MRPS11: variants seen among roughly 807,000 people sequenced by gnomAD.
MRPS11 encodes small ribosomal subunit protein uS11m.
A neutral mutation model predicts 24.3 loss-of-function variants in MRPS11; 27 were observed. That is an observed-to-expected ratio of 1.11 (90% confidence interval 0.82 to 1.53). The LOEUF (loss-of-function observed/expected upper bound fraction) is 1.53, where lower values mean the gene tolerates loss of function less well. MRPS11 is among the 40% of genes most tolerant of loss of function. The probability of loss-of-function intolerance (pLI) is 0.00; values close to 1 mark genes in which losing one functional copy is unlikely to be tolerated. For synonymous variants in MRPS11, 104 were observed against 98.7 expected (o/e 1.05, Z -0.32); for missense variants, 277 against 256.5 (o/e 1.08, Z -0.55).
chr15:88,468,503 CACTTA>C, intron 2 of MRPS11: 4 of 990,856 alleles, frequency 4.0e-6, no homozygotes, highest in Non-Finnish European at 4.8e-6. Flanking sequence ...TATACACATC[CACTTA>C]ACTTCACATC....
rs1409803330 is a variant in MRPS11, at chr15:88,475,182, G to T, written c.354G>T (p.Arg118=). The T allele has an allele frequency of 6.2e-7, 1 of 1,614,246 alleles. No homozygotes were observed. Among genetic ancestry groups the T allele is most frequent in the East Asian group, 2.2e-5 (1 of 44,878 alleles). ...AFASCGTEGF[R]NAKKGTGIAA... ...CTTCCTGTGGCACAGAGGGATTTCG[G>T]AATGCCAAGAAGGGCACAGGCATCG... The change falls in exon 4 of 6, where the codon CGG becomes CGT. Residue 118 remains arginine (R), a synonymous_variant. Coordinates refer to ENST00000325844, the MANE Select transcript of MRPS11 (RefSeq NM_022839.5). This position sits in a 1 kb window ranked among gnomAD's most constrained non-coding sequence, Gnocchi z 4.1.
rs1314807932 is a variant in MRPS11 at position 88,469,014 on chromosome 15, A to G, written c.182+990A>G. 1 of 118,756 alleles carries G rather than the reference A, an allele frequency of 8.4e-6. No homozygotes were observed. Among genetic ancestry groups the G allele is most frequent in the African/African-American group, 5.1e-5 (1 of 19,600 alleles). 7.4% of individuals were successfully genotyped at this position (118,756 alleles called of 1,614,324 possible). ...GACAGATTGAGACTCTGTCTCAAAG[A>G]AAAAAAAAAAAAAAAAGAATAAGTG... On this transcript the variant is annotated intron_variant, in intron 2 of 5. Transcript: ENST00000325844. This position sits in a 1 kb window ranked among gnomAD's most constrained non-coding sequence, Gnocchi z 4.4.
intron 3 of MRPS11, 167 bp from the exon 4 acceptor site, chr15:88,474,942 TC>T (rs2055789602): frequency 1.4e-6 from 1 of 735,356 alleles, no homozygotes; most frequent in African/African-American, 1.8e-5. Flanking sequence ...TTCTGACCTT[TC>T]CTGATACTTC....
At chr15:88,473,030 C>T (rs1412470939) in intron 3 of MRPS11, among the ~76,000 whole-genome samples, 1 of 151,892 alleles carries the variant, frequency 6.6e-6, no homozygotes, top group Non-Finnish European at 1.5e-5. Flanking sequence ...GCATATGGTC[C>T]CACCATGAAG....
Position 88,477,181 on chromosome 15 carries a change from C to T in MRPS11, c.477+127C>T, listed in dbSNP as rs1000574538. 7 of 870,506 alleles carry T rather than the reference C, an allele frequency of 8.0e-6. No homozygotes were observed. The highest frequency in any genetic ancestry group is 1.7e-5 in the African/African-American group (1 of 59,472). The allele number at this position is 870,506 out of a possible 1,614,324, so 53.9% of individuals were successfully genotyped here. A position where few individuals can be genotyped will look rare whatever the true frequency, so the allele number is the denominator to read the frequency against. ...GATTTCCATGTTTGCTTGAAGTTCC[C>T]GTCTGTTGTTTCTATAATTGACCAA... On this transcript the variant is annotated intron_variant, in intron 5 of 5. Transcript: ENST00000325844. This position sits in a 1 kb window ranked among gnomAD's most constrained non-coding sequence, Gnocchi z 5.7.
intron 2 of MRPS11, chr15:88,468,541 A>C: frequency 1.0e-6 from 1 of 986,248 alleles, no homozygotes; most frequent in Non-Finnish European, 1.2e-6. Context: ...ATTTACCAAG[A>C]ATCTACTATG....
rs902462069 is a variant in MRPS11, at chr15:88,471,813, C to T, written c.183-814C>T. Among the ~76,000 whole-genome samples the T allele has an allele frequency of 2.0e-5, 3 of 152,212 alleles. No individual in the cohort carries two copies. In the East Asian group the frequency reaches 5.8e-4, roughly 29 times the overall value. On this transcript the variant is annotated intron_variant, in intron 2 of 5. Coordinates refer to ENST00000325844, the MANE Select transcript of MRPS11 (RefSeq NM_022839.5). ...TCTTGAACGCAACACAATGTGTTCA[C>T]ATCTGATTCTATTGGGACATTTGCA...
intron 3 of MRPS11, among the ~76,000 whole-genome samples, chr15:88,474,752 T>C (rs1356432207): frequency 2.6e-5 from 4 of 152,194 alleles, no homozygotes; most frequent in Admixed American, 2.0e-4. Context: ...AGTTGATAAT[T>C]GTTGAAGCTG....
chr15:88,477,884 G>A lies in MRPS11; in HGVS notation c.490G>A (p.Gly164Arg), dbSNP rs372417211. Residue 164 changes from glycine to arginine, a missense_variant, in exon 6 of 6, where the codon GGA becomes AGA. Physicochemically the swap from Gly to Arg is moderately radical, Grantham distance 125. Transcript: ENST00000325844. The surrounding 1 kb of genome is among the most constrained non-coding windows in gnomAD (Gnocchi z 5.7). ...CTGTTCCTTCCAGTCTGCCATGCACGGACTGATCATGGGCGGCCTGGAAGT... is the reference window on the plus strand; with the variant it reads ...CTGTTCCTTCCAGTCTGCCATGCACAGACTGATCATGGGCGGCCTGGAAGT... ...LGPGRLSAMHGLIMGGLEVIS... is the reference protein window; with the variant it reads ...LGPGRLSAMHRLIMGGLEVIS... 1.2e-5 allele frequency: 20 copies of A among 1,613,696 alleles called. No homozygotes were observed. The highest frequency in any genetic ancestry group is 6.6e-5 in the South Asian group (6 of 91,066).
Position 88,469,554 on chromosome 15 carries a change from C to T in MRPS11, c.182+1530C>T, listed in dbSNP as rs953790515. Reference sequence around the variant, plus strand: ...CCACATTCTGTAGGACTTTGTAGGCCGTTGTGAGGACTTCAGCTTTTACTG... The same window carrying T: ...CCACATTCTGTAGGACTTTGTAGGCTGTTGTGAGGACTTCAGCTTTTACTG... On this transcript the variant is annotated intron_variant, in intron 2 of 5. Transcript: ENST00000325844. The surrounding 1 kb of genome is among the most constrained non-coding windows in gnomAD (Gnocchi z 4.4). 2.0e-5 allele frequency among the ~76,000 whole-genome samples: 3 copies of T among 152,062 alleles called. No individual in the cohort carries two copies. The highest frequency in any genetic ancestry group is 4.8e-5 in the African/African-American group (2 of 41,398).
chr15:88,468,359 A>C, intron 2 of MRPS11: 1 of 1,121,874 alleles, frequency 8.9e-7, no homozygotes, highest in East Asian at 6.2e-5. Context: ...TCCAAAACAA[A>C]ATGGGGAGGT....
Position 88,468,479 on chromosome 15 carries a change from A to T in MRPS11, c.182+455A>T, listed in dbSNP as rs955883498. 1.2e-5 allele frequency: 12 copies of T among 1,016,160 alleles called. No homozygotes were observed. The African/African-American group carries it at 2.0e-4, about 17-fold the overall frequency. The allele number at this position is 1,016,160 out of a possible 1,614,324, so 62.9% of individuals were successfully genotyped here. A position where few individuals can be genotyped will look rare whatever the true frequency, so the allele number is the denominator to read the frequency against. On this transcript the variant is annotated intron_variant, in intron 2 of 5. Transcript: ENST00000325844. ...CATCTTGCTTCCCACCAGTGCCACC[A>T]CCTCTGTATGCTGTATACACATCCA...
rs1473519704 is a variant in MRPS11 at position 88,472,632 on chromosome 15, A to G, written c.188A>G (p.Tyr63Cys). The G allele has an allele frequency of 8.7e-6, 14 of 1,612,118 alleles. No individual in the cohort carries two copies. Among genetic ancestry groups the G allele is most frequent in the Admixed American group, 1.7e-5 (1 of 59,980 alleles). ...AATCTTTCTTCTAATTGCAGCATTT[A>G]CCCTCCCATTCCAGGAGAGGAGAGC... is the stretch of plus-strand genomic sequence containing the variant. ...AAPSHTKFSI[Y>C]PPIPGEESSL... Residue 63 changes from tyrosine to cysteine, a missense_variant, in exon 3 of 6, where the codon TAC (tyrosine) becomes TGC (cysteine). By Grantham distance (194) the Tyr-to-Cys change is radical (BLOSUM62 -2). Coordinates refer to ENST00000325844, the MANE Select transcript of MRPS11 (RefSeq NM_022839.5).
chr15:88,474,434 C>T (rs985480685), intron 3 of MRPS11, among the ~76,000 whole-genome samples: 4 of 152,078 alleles, frequency 2.6e-5, no homozygotes, highest in African/African-American at 9.7e-5. Flanking sequence ...TGGTGCACGC[C>T]TGTAATCCCA....
chr15:88,477,093 G>A lies in MRPS11; in HGVS notation c.477+39G>A, dbSNP rs1303727449. 1.3e-6 allele frequency: 2 copies of A among 1,597,460 alleles called. No individual in the cohort carries two copies. Among genetic ancestry groups the A allele is most frequent in the Admixed American group, 1.7e-5 (1 of 59,498 alleles). ...ATTTCCATAGTGTACTTGCCTCCTA[G>A]TAAGTGTGAGAATTTGGGGCTTGAG... On this transcript the variant is annotated intron_variant, in intron 5 of 5. Transcript: ENST00000325844. The surrounding 1 kb of genome is among the most constrained non-coding windows in gnomAD (Gnocchi z 5.7).
In MRPS11 at chr15:88,475,431, C is replaced by T. The variant is rs2055802194; in HGVS notation, c.411+192C>T. The stretch of plus-strand genomic sequence containing the variant: ...TCCTCTTTTTTCTTTCTCTCAGCTT[C>T]ATTAGAGGTGAAGCCCTTGTTGGTT... On this transcript the variant is annotated intron_variant, in intron 4 of 5. Coordinates refer to ENST00000325844, the MANE Select transcript of MRPS11 (RefSeq NM_022839.5). The surrounding 1 kb of genome is among the most constrained non-coding windows in gnomAD (Gnocchi z 4.1). 6.6e-6 allele frequency among the ~76,000 whole-genome samples: 1 copy of T among 152,212 alleles called. No homozygotes were observed. Among genetic ancestry groups the T allele is most frequent in the Admixed American group, 6.5e-5 (1 of 15,276 alleles).
chr15:88,472,663 G>A lies in MRPS11; in HGVS notation c.219G>A (p.Leu73=). ...YPPIPGEESS[L]RWAGKKFEEI... ...CCATTCCAGGAGAGGAGAGCTCTCT[G>A]AGGTGGGCAGGAAAGAAATTTGAGG... The change falls in exon 3 of 6, where the codon CTG becomes CTA. Residue 73 remains leucine, a synonymous_variant. Coordinates refer to ENST00000325844, the MANE Select transcript of MRPS11 (RefSeq NM_022839.5). 6.2e-7 allele frequency: 1 copy of A among 1,614,108 alleles called. No homozygotes were observed. The highest frequency in any genetic ancestry group is 8.5e-7 in the Non-Finnish European group (1 of 1,179,988).
intron 2 of MRPS11, 112 bp downstream of exon 2, chr15:88,468,136 G>A (rs1848522185): frequency 1.4e-6 from 2 of 1,475,342 alleles, no homozygotes; most frequent in Non-Finnish European, 1.8e-6. Context: ...CTATCCGTGG[G>A]ACCTTATGCA....
intron 2 of MRPS11, among the ~76,000 whole-genome samples, chr15:88,471,747 A>G (rs554672997): frequency 6.6e-6 from 1 of 152,370 alleles, no homozygotes; most frequent in South Asian, 2.1e-4. Context: ...TAACTTAGCT[A>G]GAAATAGCCA....
Sources: allele counts gnomAD v4.1 joint callset (sites outside exome capture counted in the v4.1 genomes callset), GRCh38; gene constraint gnomAD v4.1.1; non-coding constraint Gnocchi (gnomAD v3.1); transcripts MANE v1.5; gene names NCBI Gene and HGNC (gene_info 2026-07-23, HGNC 2026-07-21).